The following ZFAT variants were observed in gnomAD, a reference collection of about 807,000 sequenced individuals.
The protein encoded by ZFAT is zinc finger protein ZFAT.
A neutral mutation model predicts 117.7 loss-of-function variants in ZFAT; 64 were observed. The observed-to-expected ratio is 0.54, with a 90% CI of 0.44 to 0.67. ZFAT has a LOEUF of 0.67. ZFAT is among the 30% of genes least tolerant of loss of function. ZFAT has a pLI of 0.00. For synonymous variants in ZFAT, 679 were observed against 615.0 expected (o/e 1.10, Z -1.54); for missense variants, 1,433 against 1,584.5 (o/e 0.90, Z 1.62).
the ZFAT span, among the ~76,000 whole-genome samples, chr8:134,831,777 G>A: frequency 6.6e-6 from 1 of 150,690 alleles, no homozygotes; most frequent in Non-Finnish European, 1.5e-5. Context: ...CCCACTTCCC[G>A]GCCCCGAGCC....
chr8:134,628,828 G>T (rs1320217678), intron 3 of ZFAT, among the ~76,000 whole-genome samples: 1 of 152,236 alleles, frequency 6.6e-6, no homozygotes, highest in Non-Finnish European at 1.5e-5. Flanking sequence ...ACCTCATAGG[G>T]CTTTTATGAA....
At chr8:134,541,823 C>CT (rs1822280460) in intron 11 of ZFAT, among the ~76,000 whole-genome samples, 2 of 152,238 alleles carry the variant, frequency 1.3e-5, no homozygotes, top group South Asian at 4.1e-4. Context: ...AAAAAGATCT[C>CT]TTATCTTTAC....
intron 1 of ZFAT, among the ~76,000 whole-genome samples, chr8:134,693,298 G>A (rs541737834): frequency 7.2e-4 from 110 of 152,292 alleles, no homozygotes; most frequent in South Asian, 5.8e-3. Context: ...TCACAAAAGC[G>A]GGGGCACGCT....
rs1827511435 is a variant in ZFAT at position 134,602,003 on chromosome 8, C to T, written c.1716G>A (p.Leu572=). The T allele has an allele frequency of 1.2e-6, 2 of 1,613,008 alleles. No homozygotes were observed. The highest frequency in any genetic ancestry group is 1.3e-5 in the African/African-American group (1 of 74,938). Residue 572 remains leucine, a synonymous_variant, in exon 6 of 16, where the codon CTG becomes CTA. Transcript: ENST00000377838. ...LASPQAESTA[L]PPCELETTVV... ...CGGTGGTTTCCAGCTCACAGGGTGG[C>T]AGGGCTGTGCTTTCGGCCTGCGGGG...
the ZFAT span, among the ~76,000 whole-genome samples, chr8:134,829,164 C>A: frequency 6.6e-6 from 1 of 152,204 alleles, no homozygotes; most frequent in African/African-American, 2.4e-5. Context: ...CTTCAATGTA[C>A]TCCTTAAATC....
the ZFAT span, among the ~76,000 whole-genome samples, chr8:134,760,273 GAA>G: frequency 0.014 from 1,768 of 128,746 alleles, 43 homozygotes; most frequent in African/African-American, 0.048. Flanking sequence ...GTCTCAAAAA[GAA>G]AAAAAAAAAA....
At chr8:134,653,394 A>ACTACAGG (rs1289891650) in intron 2 of ZFAT, among the ~76,000 whole-genome samples, 1 of 138,576 alleles carries the variant, frequency 7.2e-6, no homozygotes, top group Non-Finnish European at 1.5e-5. Flanking sequence ...AGTACCTGGG[A>ACTACAGG]CTACAGGCAC....
At chr8:134,686,808 G>A (rs1228492502) in intron 1 of ZFAT, among the ~76,000 whole-genome samples, 1 of 152,178 alleles carries the variant, frequency 6.6e-6, no homozygotes, top group African/African-American at 2.4e-5. Flanking sequence ...CAGAAGCCCA[G>A]GCCTCCCAGC....
At chr8:134,735,427 T>C in the ZFAT span, among the ~76,000 whole-genome samples, 1 of 152,194 alleles carries the variant, frequency 6.6e-6, no homozygotes, top group South Asian at 2.1e-4. Flanking sequence ...CTATGTCCAA[T>C]CAAATGAAGA....
At chr8:134,573,143 A>G (rs1473052208) in intron 10 of ZFAT, among the ~76,000 whole-genome samples, 2 of 152,184 alleles carry the variant, frequency 1.3e-5, no homozygotes, top group Non-Finnish European at 2.9e-5. Context: ...AGAGGCTGGC[A>G]GTGTGCTGTT....
chr8:134,821,608 C>G, the ZFAT span, among the ~76,000 whole-genome samples: 1 of 150,440 alleles, frequency 6.6e-6, no homozygotes, highest in Non-Finnish European at 1.5e-5. Context: ...TGAAGTAGAA[C>G]AGTCATTTTC....
chr8:134,635,098 T>G (rs1830126239), intron 3 of ZFAT, among the ~76,000 whole-genome samples: 1 of 152,206 alleles, frequency 6.6e-6, no homozygotes, highest in South Asian at 2.1e-4. Context: ...ACCACTCACC[T>G]GCTGTGCAGC....
intron 1 of ZFAT, among the ~76,000 whole-genome samples, chr8:134,712,372 G>C (rs1340592670): frequency 6.6e-6 from 1 of 152,210 alleles, no homozygotes; most frequent in Admixed American, 6.5e-5. Flanking sequence ...CTTGCACCGG[G>C]TGTCAAGTGG....
chr8:134,590,320 C>A lies in ZFAT; in HGVS notation c.2511G>T (p.Lys837Asn), dbSNP rs1554594534. The A allele has an allele frequency of 3.1e-6, 5 of 1,613,342 alleles. No homozygotes were observed. The East Asian group carries it at 1.1e-4, about 36-fold the overall frequency. The change falls in exon 8 of 16, where the codon AAG (lysine) becomes AAT (asparagine). Residue 837 changes from lysine to asparagine, a missense_variant. Physicochemically the swap from Lys to Asn is moderately conservative, Grantham distance 94. Coordinates refer to ENST00000377838, the MANE Select transcript of ZFAT (RefSeq NM_020863.4). ...TTATCAATCGATCCTCTGAAAAAGACTTTTCACAAACAGGACAAGAATAAC... is the reference window on the plus strand; with the variant it reads ...TTATCAATCGATCCTCTGAAAAAGAATTTTCACAAACAGGACAAGAATAAC... Reference protein sequence around the residue: ...KRSYSCPVCEKSFSEDRLIKS... With the variant: ...KRSYSCPVCENSFSEDRLIKS...
the ZFAT span, among the ~76,000 whole-genome samples, chr8:134,802,174 T>G: frequency 6.6e-6 from 1 of 152,126 alleles, no homozygotes; most frequent in Non-Finnish European, 1.5e-5. Flanking sequence ...TGCCAAAACA[T>G]GTAGCATGGG....
chr8:134,632,415 T>C (rs1292201622), intron 3 of ZFAT, among the ~76,000 whole-genome samples: 3 of 152,230 alleles, frequency 2.0e-5, no homozygotes, highest in African/African-American at 7.2e-5. Context: ...TCAAAAGTTA[T>C]ACTTGAAAAT....
intron 2 of ZFAT, among the ~76,000 whole-genome samples, chr8:134,653,290 AAC>A (rs1346362176): frequency 0.019 from 2,160 of 114,372 alleles, 53 homozygotes; most frequent in Admixed American, 0.03. Context: ...AAAAAAAAAA[AAC>A]AAAAAACAGG....
intron 11 of ZFAT, among the ~76,000 whole-genome samples, chr8:134,545,865 T>C (rs553513360): frequency 8.5e-5 from 13 of 152,208 alleles, no homozygotes; most frequent in Non-Finnish European, 1.8e-4. Context: ...ATGTCATATG[T>C]ACTATTCTGG....
At chr8:134,627,468 G>T (rs974896512) in intron 3 of ZFAT, among the ~76,000 whole-genome samples, 2 of 152,120 alleles carry the variant, frequency 1.3e-5, no homozygotes, top group African/African-American at 4.8e-5. Flanking sequence ...AAAACTGATA[G>T]CTGAAGCCGA....
Sources: allele counts gnomAD v4.1 joint callset (sites outside exome capture counted in the v4.1 genomes callset), GRCh38; gene constraint gnomAD v4.1.1; transcripts MANE v1.5; gene names NCBI Gene and HGNC (gene_info 2026-07-23, HGNC 2026-07-21).